Variants in IGFBP5 observed in about 807,000 individuals in gnomAD.
IGFBP5 encodes insulin-like growth factor-binding protein 5.
IGFBP5 carries 12 observed loss-of-function variants against 28.0 expected under a neutral mutation model. The ratio of observed to expected loss-of-function variants is 0.43; its 90% confidence interval spans 0.27 to 0.69. The LOEUF (loss-of-function observed/expected upper bound fraction) is 0.69. Among genes scored for constraint, IGFBP5 ranks in the 30% least tolerant of loss-of-function variants. IGFBP5 has a pLI of 0.20. For missense variants in IGFBP5, 344 were observed against 381.6 expected, an observed-to-expected ratio of 0.90 and a Z score of 0.82; for synonymous variants, 152 against 150.2, an observed-to-expected ratio of 1.01 and a Z score of -0.09.
chr2:216,692,234 AGAGGAGTGCTGGG>A lies in IGFBP5; in HGVS notation c.337+2192_337+2204del, dbSNP rs1257527390. Among the ~76,000 whole-genome samples, 38 of 152,002 alleles carry A rather than the reference AGAGGAGTGCTGGG, an allele frequency of 2.5e-4. No individual in the cohort carries two copies. The highest frequency in any genetic ancestry group is 8.9e-4 in the African/African-American group (37 of 41,372). On this transcript the variant is annotated intron_variant, in intron 1 of 3. Transcript: ENST00000233813. The surrounding 1 kb of genome is among the most constrained non-coding windows in gnomAD (Gnocchi z 4.2). ...CCTGCCTTCGGCGGGGTGGAGTCGG[AGAGGAGTGCTGGG>A]GAGGGGGCGGGTAGAAGAGGCGGCT...
In IGFBP5 at chr2:216,695,030, G is replaced by C. The variant is rs1689152034; in HGVS notation, c.-255C>G. 1 of 354,298 alleles carries C rather than the reference G, an allele frequency of 2.8e-6. No homozygotes were observed. The highest frequency in any genetic ancestry group is 4.7e-5 in the Admixed American group (1 of 21,432). The allele number at this position is 354,298 out of a possible 1,614,324, so 21.9% of individuals were successfully genotyped here. On this transcript the variant is annotated 5_prime_UTR_variant, in exon 1 of 4. Transcript: ENST00000233813. ...GTTGGGGGAAGCAGGGCAGCGCCAGGTGCACGCAGTGAGCGGAGGCCGGAG... is the reference window on the plus strand; with the variant it reads ...GTTGGGGGAAGCAGGGCAGCGCCAGCTGCACGCAGTGAGCGGAGGCCGGAG...
At chr2:216,684,509 C>A (rs1321734719) in intron 1 of IGFBP5, among the ~76,000 whole-genome samples, 1 of 152,170 alleles carries the variant, frequency 6.6e-6, no homozygotes, top group Non-Finnish European at 1.5e-5. Flanking sequence ...GAGTGTCGGG[C>A]TTTGCCAGGC....
chr2:216,689,765 G>A (rs948364843), intron 1 of IGFBP5, among the ~76,000 whole-genome samples: 2 of 152,234 alleles, frequency 1.3e-5, no homozygotes, highest in Non-Finnish European at 2.9e-5. Flanking sequence ...CTGTGATGAT[G>A]GCTATGGGTT....
rs754697428 is a variant in IGFBP5 at position 216,694,681 on chromosome 2, T to G, written c.95A>C (p.Glu32Ala). Residue 32 changes from glutamate to alanine, a missense_variant, in exon 1 of 4, where the codon GAG becomes GCG. Glu to Ala is a moderately radical substitution (Grantham distance 107). This residue lies in a region of IGFBP5 where 304 missense variants were observed against 329.2 expected (regional missense o/e 0.92). Coordinates refer to ENST00000233813, the MANE Select transcript of IGFBP5 (RefSeq NM_000599.4). The surrounding 1 kb of genome is among the most constrained non-coding windows in gnomAD (Gnocchi z 5.2). ...GGGGGGGCACATGGAGAGGGCTTTC[T>G]CGTCGCAGGGCTCGCAGTGCACGAA... ...GSFVHCEPCDEKALSMCPPSP... is the reference protein window; with the variant it reads ...GSFVHCEPCDAKALSMCPPSP... 58 of 1,523,104 alleles carry G rather than the reference T, an allele frequency of 3.8e-5. 1 individual carries two copies. In the South Asian group the frequency reaches 7.5e-4, roughly 20 times the overall value. The allele number at this position is 1,523,104 out of a possible 1,614,324, so 94.3% of individuals were successfully genotyped here.
chr2:216,678,402 G>A (rs1051411850), intron 2 of IGFBP5, among the ~76,000 whole-genome samples, 171 bp from the exon 3 acceptor site: 10 of 152,170 alleles, frequency 6.6e-5, no homozygotes, highest in Non-Finnish European at 7.3e-5. Context: ...TGTCACGTGC[G>A]CTGGGATCAT....
chr2:216,693,152 C>CTTT, intron 1 of IGFBP5, among the ~76,000 whole-genome samples: 1 of 147,246 alleles, frequency 6.8e-6, no homozygotes, highest in East Asian at 2.0e-4. Context: ...GTTTATTTAA[C>CTTT]TTTTTTTTTT....
At chr2:216,689,412 G>T (rs894101501) in intron 1 of IGFBP5, among the ~76,000 whole-genome samples, 1 of 152,216 alleles carries the variant, frequency 6.6e-6, no homozygotes, top group African/African-American at 2.4e-5. Flanking sequence ...GGACAGAAGT[G>T]AGTGTGAAAA....
At position 216,676,557 on chromosome 2, in the gene IGFBP5, C is replaced by T; in HGVS notation, c.*194G>A. 1 of 416,158 alleles carries T rather than the reference C, an allele frequency of 2.4e-6. No individual in the cohort carries two copies. Among genetic ancestry groups the T allele is most frequent in the Admixed American group, 4.3e-5 (1 of 23,464 alleles). The allele number at this position is 416,158 out of a possible 1,614,324, so 25.8% of individuals were successfully genotyped here. ...GGGGGGGTGTCTTTTTAGCTTTTTG[C>T]ATCTCTGTTGTTGCCATTTTCGAAG... is the stretch of plus-strand genomic sequence containing the variant. On this transcript the variant is annotated 3_prime_UTR_variant, in exon 4 of 4. Coordinates refer to ENST00000233813, the MANE Select transcript of IGFBP5 (RefSeq NM_000599.4).
chr2:216,691,456 C>T (rs1689094698), intron 1 of IGFBP5, among the ~76,000 whole-genome samples: 1 of 152,108 alleles, frequency 6.6e-6, no homozygotes, highest in South Asian at 2.1e-4. Context: ...CTCCACTCAC[C>T]GCTATTTACT....
rs1439272808 is a variant in IGFBP5, at chr2:216,672,661, C to T, written c.*4090G>A. The T allele has an allele frequency of 1.3e-5, 2 of 152,742 alleles. No individual in the cohort carries two copies. Among genetic ancestry groups the T allele is most frequent in the African/African-American group, 4.8e-5 (2 of 41,454 alleles). The allele number at this position is 152,742 out of a possible 1,614,324, so 9.5% of individuals were successfully genotyped here. A position where few individuals can be genotyped will look rare whatever the true frequency, so the allele number is the denominator to read the frequency against. The stretch of plus-strand genomic sequence containing the variant: ...AGTGGCGGTAGAGAGGAGACTCCGG[C>T]TGGCGACCGGGGACTGGTGGAGTGG... On this transcript the variant is annotated 3_prime_UTR_variant, in exon 4 of 4. Transcript: ENST00000233813.
At position 216,676,608 on chromosome 2, in the gene IGFBP5, G is replaced by A. The variant is rs1473469856; in HGVS notation, c.*143C>T. ...TTGAGCCCTTGCTAGAGATTCCGAG[G>A]TCCTCAGTTTCCTCAAATAGATAGA... On this transcript the variant is annotated 3_prime_UTR_variant, in exon 4 of 4. Transcript: ENST00000233813. The A allele has an allele frequency of 5.6e-6, 3 of 538,836 alleles. No homozygotes were observed. Among genetic ancestry groups the A allele is most frequent in the Non-Finnish European group, 9.7e-6 (3 of 308,094 alleles). The allele number at this position is 538,836 out of a possible 1,614,324, so 33.4% of individuals were successfully genotyped here. A position where few individuals can be genotyped will look rare whatever the true frequency, so the allele number is the denominator to read the frequency against.
chr2:216,676,045 A>G lies in IGFBP5; in HGVS notation c.*706T>C, dbSNP rs1202246469. The G allele has an allele frequency of 6.6e-6, 1 of 152,662 alleles. No homozygotes were observed. The highest frequency in any genetic ancestry group is 1.5e-5 in the Non-Finnish European group (1 of 68,050). 9.5% of individuals were successfully genotyped at this position (152,662 alleles called of 1,614,324 possible). A position where few individuals can be genotyped will look rare whatever the true frequency, so the allele number is the denominator to read the frequency against. ...GCTTCCGAAAACCTCTCTATTTAAT[A>G]TCACTCAATTATGAATTTGTTTTGC... On this transcript the variant is annotated 3_prime_UTR_variant, in exon 4 of 4. Transcript: ENST00000233813.
rs537375924 is a variant in IGFBP5 at position 216,685,553 on chromosome 2, C to A, written c.338-6474G>T. Among the ~76,000 whole-genome samples, 4 of 152,328 alleles carry A rather than the reference C, an allele frequency of 2.6e-5. No homozygotes were observed. The South Asian group carries it at 8.3e-4, about 32-fold the overall frequency. On this transcript the variant is annotated intron_variant, in intron 1 of 3. Transcript: ENST00000233813. The stretch of plus-strand genomic sequence containing the variant: ...CAGTCCCCCTCCTCCCTTGCCAACC[C>A]TAGGTCCCTAGCCAACTTGCAGCCA...
chr2:216,686,666 CTTT>C (rs1165701093), intron 1 of IGFBP5, among the ~76,000 whole-genome samples: 4 of 112,688 alleles, frequency 3.5e-5, no homozygotes, highest in African/African-American at 7.0e-5. Context: ...TTTGACCTTT[CTTT>C]TTTTTTTTTT....
intron 3 of IGFBP5, 72 bp downstream of exon 3, chr2:216,678,040 C>T: frequency 7.4e-7 from 1 of 1,359,676 alleles, no homozygotes; most frequent in South Asian, 2.2e-5. Flanking sequence ...AGGCACTTGC[C>T]CAAGGTGGAG....
chr2:216,678,017 C>G, intron 3 of IGFBP5, 95 bp downstream of exon 3: 1 of 1,217,842 alleles, frequency 8.2e-7, no homozygotes, highest in Non-Finnish European at 1.1e-6. Flanking sequence ...AAGTGGTTAA[C>G]GGTGGAAACC....
At position 216,689,455 on chromosome 2, in the gene IGFBP5, G is replaced by A. The variant is rs148454877; in HGVS notation, c.337+4984C>T. ...GTGTGGCCCTCTCCACTTTGGGGCC[G>A]CTTCACTCCTTTTCCTACTGCCCCT... On this transcript the variant is annotated intron_variant, in intron 1 of 3. Coordinates refer to ENST00000233813, the MANE Select transcript of IGFBP5 (RefSeq NM_000599.4). Among the ~76,000 whole-genome samples, 57 of 152,308 alleles carry A rather than the reference G, an allele frequency of 3.7e-4. No homozygotes were observed. The East Asian group carries it at 0.01, about 27-fold the overall frequency.
At position 216,694,828 on chromosome 2, in the gene IGFBP5, A is replaced by AGG; in HGVS notation, c.-55_-54dup. 8.2e-7 allele frequency: 1 copy of AGG among 1,222,474 alleles called. No homozygotes were observed. Among genetic ancestry groups the AGG allele is most frequent in the Non-Finnish European group, 1.1e-6 (1 of 949,308 alleles). 75.7% of individuals were successfully genotyped at this position (1,222,474 alleles called of 1,614,324 possible). Reference sequence around the variant, plus strand: ...GGGTGGGGCAGGAGAGCGAGAGTGCAGGGATAAAGGGGCCAAGAGGGCCCC... The same window carrying AGG: ...GGGTGGGGCAGGAGAGCGAGAGTGCAGGGGGATAAAGGGGCCAAGAGGGCCCC... On this transcript the variant is annotated 5_prime_UTR_variant, in exon 1 of 4. Coordinates refer to ENST00000233813, the MANE Select transcript of IGFBP5 (RefSeq NM_000599.4). This position sits in a 1 kb window ranked among gnomAD's most constrained non-coding sequence, Gnocchi z 5.2.
intron 1 of IGFBP5, among the ~76,000 whole-genome samples, chr2:216,682,798 T>C (rs1368616525): frequency 6.6e-6 from 1 of 151,230 alleles, no homozygotes; most frequent in Admixed American, 6.6e-5. Context: ...AAGCTCCGCC[T>C]CCTGGGTTTA....
Sources: gnomAD v4.1 joint callset for allele counts (sites outside exome capture counted in the v4.1 genomes callset) on GRCh38, gnomAD v4.1.1 for gene constraint, gnomAD v4.1.1 regional missense constraint, Gnocchi (gnomAD v3.1) non-coding constraint, MANE v1.5 for transcripts, NCBI Gene and HGNC (gene_info 2026-07-23, HGNC 2026-07-21) for gene names.